The following DIAPH1 variants were observed in gnomAD, a reference collection of about 807,000 sequenced individuals.
DIAPH1 encodes the protein protein diaphanous homolog 1.
A neutral mutation model predicts 140.7 loss-of-function variants in DIAPH1; 46 were observed. That is an observed-to-expected ratio of 0.33 (90% CI 0.26 to 0.42). DIAPH1 has a LOEUF of 0.42. Among genes scored for constraint, DIAPH1 ranks in the 10% least tolerant of loss-of-function variants. DIAPH1 has a pLI of 1.00. For missense variants in DIAPH1, 1,310 were observed against 1,558.7 expected (o/e 0.84, Z 2.69); for synonymous variants, 565 against 551.6 (o/e 1.02, Z -0.34).
chr5:141,535,473 A>T lies in DIAPH1; in HGVS notation c.2483-1040T>A, dbSNP rs536662343. Among the ~76,000 whole-genome samples the T allele has an allele frequency of 2.4e-3, 359 of 152,220 alleles. 6 individuals are homozygous for T. The highest frequency in any genetic ancestry group is 1.5e-3 in the Non-Finnish European group (102 of 68,048). ...GTTATCTATATCTCATCCAACAATT[A>T]ATTATTCAATGTTTTGTGACATTGC... On this transcript the variant is annotated intron_variant, in intron 18 of 27. Transcript: ENST00000389054.
chr5:141,518,264 T>C (rs1471704540), intron 27 of DIAPH1, among the ~76,000 whole-genome samples: 1 of 147,250 alleles, frequency 6.8e-6, no homozygotes, highest in African/African-American at 2.5e-5. Flanking sequence ...CCCTGAATTA[T>C]ACATTTTTAA....
intron 1 of DIAPH1, among the ~76,000 whole-genome samples, chr5:141,591,203 C>T (rs963595367): frequency 6.6e-6 from 1 of 152,064 alleles, no homozygotes; most frequent in African/African-American, 2.4e-5. Flanking sequence ...CTAGATTGTG[C>T]TTTCACAACT....
At position 141,542,436 on chromosome 5, in the gene DIAPH1, A is replaced by G. The variant is rs74673241; in HGVS notation, c.2483-8003T>C. Among the ~76,000 whole-genome samples, 223 of 143,512 alleles carry G rather than the reference A, an allele frequency of 1.6e-3. 1 individual carries two copies. Among genetic ancestry groups the G allele is most frequent in the Middle Eastern group, 0.011 (3 of 270 alleles). 94.1% of individuals were successfully genotyped at this position (143,512 alleles called of 152,430 possible). The stretch of plus-strand genomic sequence containing the variant: ...CAACAGAGTGGGACTCTGTCTTGGG[A>G]AAAAAAAAAAAAAGAAATTGTCTGT... On this transcript the variant is annotated intron_variant, in intron 18 of 27. Transcript: ENST00000389054.
chr5:141,569,087 CTGAA>C (rs1308867797), intron 18 of DIAPH1, among the ~76,000 whole-genome samples: 3 of 152,060 alleles, frequency 2.0e-5, no homozygotes, highest in Non-Finnish European at 2.9e-5. Context: ...ACATTTGCGT[CTGAA>C]TGAATGAAGT....
chr5:141,596,483 AAAATAAATAAAT>A (rs550056548), intron 1 of DIAPH1, among the ~76,000 whole-genome samples: 1 of 152,058 alleles, frequency 6.6e-6, no homozygotes, highest in Non-Finnish European at 1.5e-5. Context: ...AGACAATCTC[AAAATAAATAAAT>A]AAATAAATAA....
chr5:141,519,662 G>A (rs941960702), intron 27 of DIAPH1, among the ~76,000 whole-genome samples: 1 of 152,182 alleles, frequency 6.6e-6, no homozygotes, highest in Non-Finnish European at 1.5e-5. Context: ...AGTAGGTAGG[G>A]AGAAGATCAA....
In DIAPH1 at chr5:141,515,455, T is replaced by C. The variant is rs1193511967; in HGVS notation, c.*1396A>G. ...GCCATTCTTTCTTCCTAGCTGGGGA[T>C]GGAAAGCTGAGAGGGGCACAAGGAG... is the stretch of plus-strand genomic sequence containing the variant. On this transcript the variant is annotated 3_prime_UTR_variant, in exon 28 of 28. Transcript: ENST00000389054. The C allele has an allele frequency of 1.3e-5, 2 of 152,250 alleles. No homozygotes were observed. The highest frequency in any genetic ancestry group is 2.9e-5 in the Non-Finnish European group (2 of 68,084). 9.4% of individuals were successfully genotyped at this position (152,250 alleles called of 1,614,324 possible). A position where few individuals can be genotyped will look rare whatever the true frequency, so the allele number is the denominator to read the frequency against.
At chr5:141,576,127 G>A (rs113130855) in intron 14 of DIAPH1, 103 bp downstream of exon 14, 46 of 1,005,954 alleles carry the variant, frequency 4.6e-5, no homozygotes, top group African/African-American at 4.2e-4. Context: ...GGTGCTAAAC[G>A]CTTCCAAAAT....
rs1160505913 is a variant in DIAPH1, at chr5:141,578,635, G to A, written c.934-10C>T. On this transcript the variant is annotated splice_polypyrimidine_tract_variant and intron_variant, in intron 9 of 27. Transcript: ENST00000389054. ...GCTGTAGGCATCCAACCTAAAATAA[G>A]AAAATTCAGCAGCTATGTCAATGCT... 1 of 1,606,802 alleles carries A rather than the reference G, an allele frequency of 6.2e-7. No homozygotes were observed. The highest frequency in any genetic ancestry group is 1.1e-5 in the South Asian group (1 of 90,916).
chr5:141,587,357 C>T (rs1268922591), intron 2 of DIAPH1, 160 bp from the exon 3 acceptor site: 1 of 722,118 alleles, frequency 1.4e-6, no homozygotes, highest in Non-Finnish European at 2.4e-6. Flanking sequence ...ATCAGTCTTC[C>T]TCCTATCTAA....
At chr5:141,615,187 G>A (rs1016214027) in intron 1 of DIAPH1, among the ~76,000 whole-genome samples, 12 of 152,186 alleles carry the variant, frequency 7.9e-5, no homozygotes, top group Non-Finnish European at 8.8e-5. Context: ...TGTAATCCCA[G>A]CACTTCGGGA....
At chr5:141,548,001 C>A (rs1281855821) in intron 18 of DIAPH1, among the ~76,000 whole-genome samples, 1 of 152,000 alleles carries the variant, frequency 6.6e-6, no homozygotes, top group African/African-American at 2.4e-5. Context: ...AGTTTGAGAC[C>A]AACCCAGGCA....
chr5:141,589,320 C>T (rs1346584190), intron 1 of DIAPH1, among the ~76,000 whole-genome samples: 2 of 152,292 alleles, frequency 1.3e-5, no homozygotes, highest in East Asian at 1.9e-4. Flanking sequence ...TGTTTATGGC[C>T]GGCTGGCCAC....
chr5:141,528,397 A>C, intron 23 of DIAPH1, 56 bp downstream of exon 23: 14 of 1,612,238 alleles, frequency 8.7e-6, no homozygotes, highest in Non-Finnish European at 1.1e-5. Context: ...ACTGTGTCTT[A>C]TTTCCCTCCC....
intron 1 of DIAPH1, among the ~76,000 whole-genome samples, chr5:141,606,898 A>G (rs1214281885): frequency 6.6e-6 from 1 of 151,840 alleles, no homozygotes; most frequent in African/African-American, 2.4e-5. Flanking sequence ...CAAAACTGTC[A>G]GTCTCCTATA....
rs2099885719 is a variant in DIAPH1, at chr5:141,516,608, A to C, written c.*243T>G. The C allele has an allele frequency of 7.1e-6, 4 of 566,064 alleles. No individual in the cohort carries two copies. The highest frequency in any genetic ancestry group is 1.3e-5 in the Non-Finnish European group (4 of 314,722). 35.1% of individuals were successfully genotyped at this position (566,064 alleles called of 1,614,324 possible). On this transcript the variant is annotated 3_prime_UTR_variant, in exon 28 of 28. Coordinates refer to ENST00000389054, the MANE Select transcript of DIAPH1 (RefSeq NM_005219.5). ...AGCAAACATGGACCCTGCTTTGGTA[A>C]TACAACAGCCAGGGCTGGCTAAGTC... is the stretch of plus-strand genomic sequence containing the variant.
chr5:141,536,210 G>A (rs2099888987), intron 18 of DIAPH1: 3 of 288,972 alleles, frequency 1.0e-5, no homozygotes, highest in East Asian at 2.0e-4. Context: ...GTTGACGTGG[G>A]AAAATCACCT....
chr5:141,547,046 C>T (rs948320446), intron 18 of DIAPH1, among the ~76,000 whole-genome samples: 5 of 152,236 alleles, frequency 3.3e-5, no homozygotes, highest in African/African-American at 9.6e-5. Flanking sequence ...AACAGATTCA[C>T]ATACAACTCA....
intron 1 of DIAPH1, among the ~76,000 whole-genome samples, chr5:141,609,345 T>C (rs1023806020): frequency 4.6e-5 from 7 of 152,190 alleles, no homozygotes; most frequent in Non-Finnish European, 7.3e-5. Context: ...TAGCAGTGAA[T>C]AGTTACACTG....
Sources: gnomAD v4.1 joint callset for allele counts (sites outside exome capture counted in the v4.1 genomes callset) on GRCh38, gnomAD v4.1.1 for gene constraint, MANE v1.5 for transcripts, NCBI Gene and HGNC (gene_info 2026-07-23, HGNC 2026-07-21) for gene names.